Variants in GPR158 observed in about 807,000 individuals in gnomAD.
GPR158 encodes G protein-coupled receptor 158, also known as metabotropic glycine receptor.
In GPR158, 30 loss-of-function variants were observed where a neutral mutation model predicts 78.2. The ratio of observed to expected loss-of-function variants is 0.38; its 90% CI spans 0.29 to 0.52. The LOEUF is 0.52. Ranked by LOEUF, GPR158 falls within the 20% of genes least tolerant of loss-of-function variation. GPR158 has a pLI of 0.83. For synonymous variants in GPR158, 581 were observed against 591.1 expected (o/e 0.98, Z 0.25); for missense variants, 1,463 against 1,523.5 (o/e 0.96, Z 0.66).
At chr10:25,222,185 C>T (rs1424160043) in intron 2 of GPR158, among the ~76,000 whole-genome samples, 1 of 151,980 alleles carries the variant, frequency 6.6e-6, no homozygotes, top group Non-Finnish European at 1.5e-5. Flanking sequence ...ATACTCCTGC[C>T]ACACACAACC....
At chr10:25,228,965 G>T (rs568732802) in intron 2 of GPR158, among the ~76,000 whole-genome samples, 10 of 151,838 alleles carry the variant, frequency 6.6e-5, no homozygotes, top group Admixed American at 1.3e-4. Flanking sequence ...AACCCCGGAG[G>T]CGGGGTTTAC....
intron 5 of GPR158, among the ~76,000 whole-genome samples, chr10:25,495,849 C>T (rs1473560717): frequency 5.3e-5 from 8 of 151,990 alleles, no homozygotes; most frequent in African/African-American, 1.7e-4. Flanking sequence ...ATTTTGCCTC[C>T]ACCTTAGCTT....
intron 2 of GPR158, among the ~76,000 whole-genome samples, chr10:25,298,719 G>A (rs1409200119): frequency 6.6e-6 from 1 of 151,994 alleles, no homozygotes. Context: ...TCTTTTTTAT[G>A]TTATCTTATT....
chr10:25,438,357 G>C (rs1835025504), intron 4 of GPR158, among the ~76,000 whole-genome samples: 1 of 152,162 alleles, frequency 6.6e-6, no homozygotes, highest in Non-Finnish European at 1.5e-5. Flanking sequence ...AAAACTGAAA[G>C]GTAGAAAATA....
At chr10:25,205,780 C>T (rs868314664) in intron 1 of GPR158, among the ~76,000 whole-genome samples, 29 of 151,754 alleles carry the variant, frequency 1.9e-4, no homozygotes, top group Admixed American at 1.7e-3. Context: ...TTCTATTGCA[C>T]TGTGGTCTGA....
chr10:25,495,491 A>C (rs1261894147), intron 5 of GPR158, among the ~76,000 whole-genome samples: 1 of 151,656 alleles, frequency 6.6e-6, no homozygotes, highest in African/African-American at 2.4e-5. Context: ...ACAGGGTTTC[A>C]CCATGTTAGC....
At chr10:25,217,766 G>C (rs1853238397) in intron 1 of GPR158, among the ~76,000 whole-genome samples, 1 of 152,214 alleles carries the variant, frequency 6.6e-6, no homozygotes, top group Non-Finnish European at 1.5e-5. Flanking sequence ...CTTCGGGCTT[G>C]TTGTTCTATT....
chr10:25,275,882 G>A (rs1364068145), intron 2 of GPR158, among the ~76,000 whole-genome samples: 2 of 152,056 alleles, frequency 1.3e-5, no homozygotes, highest in Admixed American at 6.6e-5. Flanking sequence ...CAGGTATCTT[G>A]ACTCCCAGAG....
Position 25,273,400 on chromosome 10 carries a change from C to CTTTT in GPR158, c.1008+52259_1008+52262dup, listed in dbSNP as rs36068886. 8.8e-3 allele frequency among the ~76,000 whole-genome samples: 1,075 copies of CTTTT among 122,008 alleles called. 25 individuals carry two copies. The highest frequency in any genetic ancestry group is 0.051 in the South Asian group (186 of 3,654). The allele number at this position is 122,008 out of a possible 152,430, so 80.0% of individuals were successfully genotyped here. ...AGGATTTTTCTTAACACATTGGCAT[C>CTTTT]TTTTTTTTTTTTTTTTTTTGCACAT... On this transcript the variant is annotated intron_variant, in intron 2 of 10. Transcript: ENST00000376351.
chr10:25,182,075 G>T (rs1343944287), intron 1 of GPR158, among the ~76,000 whole-genome samples: 4 of 151,962 alleles, frequency 2.6e-5, no homozygotes, highest in Admixed American at 6.5e-5. Flanking sequence ...ATCAGTTAAT[G>T]AATGCTATAT....
chr10:25,363,376 TG>T (rs1855671031), intron 2 of GPR158, among the ~76,000 whole-genome samples: 1 of 151,962 alleles, frequency 6.6e-6, no homozygotes, highest in East Asian at 1.9e-4. Flanking sequence ...CTAAGCATTC[TG>T]TTGATTAAAC....
chr10:25,390,667 T>C (rs1187404197), intron 2 of GPR158, among the ~76,000 whole-genome samples: 1 of 152,254 alleles, frequency 6.6e-6, no homozygotes, highest in Admixed American at 6.5e-5. Context: ...TTGGAACTTA[T>C]GTTTAAAAGA....
At chr10:25,359,131 G>T (rs1193300135) in intron 2 of GPR158, among the ~76,000 whole-genome samples, 1 of 151,572 alleles carries the variant, frequency 6.6e-6, no homozygotes. Flanking sequence ...TACGACTTCT[G>T]GGGCTTTGTT....
intron 2 of GPR158, among the ~76,000 whole-genome samples, chr10:25,331,195 C>G (rs529159482): frequency 1.6e-3 from 238 of 152,318 alleles, no homozygotes; most frequent in African/African-American, 5.1e-3. Flanking sequence ...CAGCCTCAGC[C>G]TCCCAAAGTG....
intron 6 of GPR158, among the ~76,000 whole-genome samples, chr10:25,559,459 A>C (rs1447123380): frequency 6.6e-6 from 1 of 152,180 alleles, no homozygotes. Context: ...GGGTTATTTT[A>C]CTTTTTGAAA....
chr10:25,208,075 T>C (rs1283147392), intron 1 of GPR158, among the ~76,000 whole-genome samples: 3 of 152,218 alleles, frequency 2.0e-5, no homozygotes, highest in Non-Finnish European at 2.9e-5. Context: ...GTTTAAAATA[T>C]AATGTTTACC....
chr10:25,534,804 G>A (rs957669720), intron 5 of GPR158, among the ~76,000 whole-genome samples: 1 of 151,966 alleles, frequency 6.6e-6, no homozygotes, highest in Non-Finnish European at 1.5e-5. Context: ...GACAGACAGG[G>A]ATCCGAATTA....
chr10:25,326,501 G>A lies in GPR158; in HGVS notation c.1009-69410G>A, dbSNP rs1158099327. Among the ~76,000 whole-genome samples the A allele has an allele frequency of 3.3e-5, 5 of 152,024 alleles. No homozygotes were observed. The South Asian group carries it at 8.3e-4, about 25-fold the overall frequency. On this transcript the variant is annotated intron_variant, in intron 2 of 10. Transcript: ENST00000376351. ...CATTCTGTAGATTTTCTCTTTACTC[G>A]ATTGGTAGTTTCCTTTGCTGTGCAC...
At chr10:25,424,244 G>T (rs144629549) in intron 4 of GPR158, among the ~76,000 whole-genome samples, 3 of 152,070 alleles carry the variant, frequency 2.0e-5, no homozygotes, top group Admixed American at 6.5e-5. Flanking sequence ...ATTTTTTCTT[G>T]TAAATTTAAG....
Sources: allele counts gnomAD v4.1 joint callset (sites outside exome capture counted in the v4.1 genomes callset), GRCh38; gene constraint gnomAD v4.1.1; transcripts MANE v1.5; gene names NCBI Gene and HGNC (gene_info 2026-07-23, HGNC 2026-07-21).